NAALADL2: variants seen among roughly 807,000 people sequenced by gnomAD.
NAALADL2 encodes inactive N-acetylated-alpha-linked acidic dipeptidase-like protein 2.
In NAALADL2, 76 loss-of-function variants were observed where a neutral mutation model predicts 87.2. That is an observed-to-expected ratio of 0.87 (90% CI 0.72 to 1.05). The LOEUF (loss-of-function observed/expected upper bound fraction) is 1.05, where lower values mean the gene tolerates loss of function less well. NAALADL2 is among the 50% of genes least tolerant of loss of function. NAALADL2 has a pLI of 0.00. For synonymous variants in NAALADL2, 354 were observed against 331.0 expected (o/e 1.07, Z -0.75); for missense variants, 1,089 against 945.8 (o/e 1.15, Z -1.99).
chr3:174,810,839 T>C (rs1157783015), intron 3 of NAALADL2, among the ~76,000 whole-genome samples: 1 of 151,998 alleles, frequency 6.6e-6, no homozygotes, highest in Non-Finnish European at 1.5e-5. Context: ...TCATGGCTAC[T>C]CCCCCCATCA....
intron 2 of NAALADL2, among the ~76,000 whole-genome samples, chr3:175,193,078 C>T (rs546405242): frequency 5.3e-5 from 8 of 151,902 alleles, no homozygotes; most frequent in South Asian, 4.2e-4. Context: ...TTTTGAAAGT[C>T]GCCTGACTTT....
chr3:175,603,441 A>G (rs934272824), intron 10 of NAALADL2, among the ~76,000 whole-genome samples: 1 of 152,210 alleles, frequency 6.6e-6, no homozygotes, highest in Non-Finnish European at 1.5e-5. Context: ...TGCAAAACTG[A>G]AATTCTATAC....
chr3:174,696,703 T>A (rs1729053909), intron 2 of NAALADL2, among the ~76,000 whole-genome samples: 1 of 151,972 alleles, frequency 6.6e-6, no homozygotes, highest in African/African-American at 2.4e-5. Flanking sequence ...TTGTATGCAT[T>A]TTTTGCTTTA....
rs868671927 is a variant in NAALADL2 at position 174,859,455 on chromosome 3, G to A, written c.43+5G>A. The A allele has an allele frequency of 1.1e-5, 17 of 1,608,002 alleles. No individual in the cohort carries two copies. In the East Asian group the frequency reaches 3.1e-4, roughly 30 times the overall value. On this transcript the variant is annotated splice_donor_5th_base_variant and intron_variant, in intron 1 of 13. Transcript: ENST00000454872. ...TACCTAACACGTCTTTGCAAGGTAA[G>A]TACCAACAGCCTATGAACTTTTCAC...
At chr3:174,667,562 T>A (rs940599875) in intron 2 of NAALADL2, among the ~76,000 whole-genome samples, 33 of 105,644 alleles carry the variant, frequency 3.1e-4, no homozygotes, top group African/African-American at 1.0e-3. Flanking sequence ...TTTTTTTTTT[T>A]ATAGCAAGAC....
chr3:175,355,281 G>T (rs1412960933), intron 5 of NAALADL2, among the ~76,000 whole-genome samples: 1 of 151,840 alleles, frequency 6.6e-6, no homozygotes, highest in African/African-American at 2.4e-5. Context: ...TGCCCAGGCT[G>T]GTCTCGAACT....
intron 2 of NAALADL2, among the ~76,000 whole-genome samples, chr3:175,120,560 A>G (rs1726000309): frequency 6.6e-6 from 1 of 151,820 alleles, no homozygotes; most frequent in Non-Finnish European, 1.5e-5. Flanking sequence ...GAAATCGATC[A>G]GAGATAATGA....
At chr3:174,472,024 A>C (rs1716938484) in intron 1 of NAALADL2, among the ~76,000 whole-genome samples, 1 of 152,188 alleles carries the variant, frequency 6.6e-6, no homozygotes, top group Non-Finnish European at 1.5e-5. Context: ...AGGAAATTAC[A>C]TGACTGTCTC....
chr3:175,338,425 G>A (rs1222810202), intron 5 of NAALADL2, among the ~76,000 whole-genome samples: 1 of 151,788 alleles, frequency 6.6e-6, no homozygotes, highest in Non-Finnish European at 1.5e-5. Flanking sequence ...AGATTTGCAT[G>A]AGAATAAGGA....
At chr3:174,988,047 T>G (rs1352770958) in intron 1 of NAALADL2, among the ~76,000 whole-genome samples, 1 of 151,816 alleles carries the variant, frequency 6.6e-6, no homozygotes, top group African/African-American at 2.4e-5. Context: ...ATGAACAAAA[T>G]ATGGTAGTAT....
chr3:174,483,371 A>G (rs558011558), intron 1 of NAALADL2, among the ~76,000 whole-genome samples: 42 of 152,068 alleles, frequency 2.8e-4, no homozygotes, highest in Non-Finnish European at 5.9e-4. Context: ...TGAAGGGGGA[A>G]AGAGTCCCTT....
chr3:175,620,112 G>A lies in NAALADL2; in HGVS notation c.1801-7179G>A, dbSNP rs1442062218. Among the ~76,000 whole-genome samples the A allele has an allele frequency of 5.9e-5, 9 of 151,494 alleles. No individual in the cohort carries two copies. In the South Asian group the frequency reaches 1.7e-3, roughly 28 times the overall value. On this transcript the variant is annotated intron_variant, in intron 10 of 13. Transcript: ENST00000454872. ...ATTGGAATTAAAAAGTAATAGGTTT[G>A]CACTTACCCTTCCACCAATCCCAGA...
chr3:174,466,908 C>T (rs1716566894), intron 1 of NAALADL2, among the ~76,000 whole-genome samples: 1 of 152,140 alleles, frequency 6.6e-6, no homozygotes, highest in South Asian at 2.1e-4. Context: ...TTTAACAGCA[C>T]TTTGGTGAAG....
chr3:174,877,545 G>A (rs977094356), intron 1 of NAALADL2, among the ~76,000 whole-genome samples: 2 of 151,950 alleles, frequency 1.3e-5, no homozygotes, highest in Non-Finnish European at 2.9e-5. Flanking sequence ...TAACCACTTA[G>A]CTCCAGGAAT....
intron 3 of NAALADL2, among the ~76,000 whole-genome samples, chr3:174,824,589 G>C (rs1721782727): frequency 6.6e-6 from 1 of 152,134 alleles, no homozygotes; most frequent in East Asian, 1.9e-4. Flanking sequence ...TAAGTGATTT[G>C]ACTTATAACC....
At chr3:175,004,870 CA>C (rs11386928) in intron 1 of NAALADL2, among the ~76,000 whole-genome samples, 224 of 143,674 alleles carry the variant, frequency 1.6e-3, no homozygotes, top group African/African-American at 2.3e-3. Flanking sequence ...ATTCCAAAAT[CA>C]AAAAAAAAAA....
intron 2 of NAALADL2, among the ~76,000 whole-genome samples, chr3:175,132,549 C>A (rs1343182251): frequency 1.2e-5 from 1 of 85,500 alleles, no homozygotes; most frequent in Non-Finnish European, 2.3e-5. Context: ...GAAGAATGGC[C>A]GGGCGGGGGG....
rs58882417 is a variant in NAALADL2, at chr3:175,623,023, T to A, written c.1801-4268T>A. ...AATATATTGGACAATTTAGATGAAA[T>A]AGACAAATTATTTGAAAAACAGAAC... On this transcript the variant is annotated intron_variant, in intron 10 of 13. Coordinates refer to ENST00000454872, the MANE Select transcript of NAALADL2 (RefSeq NM_207015.3). Among the ~76,000 whole-genome samples the A allele has an allele frequency of 3.7e-3, 557 of 151,980 alleles. 4 individuals are homozygous for A. The highest frequency in any genetic ancestry group is 0.012 in the African/African-American group (515 of 41,504).
chr3:175,433,538 A>G (rs1718128956), intron 5 of NAALADL2, among the ~76,000 whole-genome samples: 1 of 152,010 alleles, frequency 6.6e-6, no homozygotes, highest in Admixed American at 6.6e-5. Flanking sequence ...CATTAGCGCT[A>G]TACTAAGCAC....
Sources: gnomAD v4.1 joint callset for allele counts (sites outside exome capture counted in the v4.1 genomes callset) on GRCh38, gnomAD v4.1.1 for gene constraint, MANE v1.5 for transcripts, NCBI Gene and HGNC (gene_info 2026-07-23, HGNC 2026-07-21) for gene names.